FAF1: variants seen among roughly 807,000 people sequenced by gnomAD.
The protein encoded by FAF1 is FAS-associated factor 1.
In FAF1, 25 loss-of-function variants were observed where a neutral mutation model predicts 92.5. The observed-to-expected ratio is 0.27, with a 90% CI of 0.20 to 0.38. The LOEUF is 0.38. FAF1 is among the 10% of genes least tolerant of loss of function. The pLI is 1.00. For missense variants in FAF1, 636 were observed against 793.3 expected, an observed-to-expected ratio of 0.80 and a Z score of 2.38; for synonymous variants, 234 against 273.2, an observed-to-expected ratio of 0.86 and a Z score of 1.42.
intron 3 of FAF1, among the ~76,000 whole-genome samples, chr1:50,791,686 C>A (rs1300190333): frequency 6.6e-6 from 1 of 152,204 alleles, no homozygotes; most frequent in South Asian, 2.1e-4. Flanking sequence ...GTCTCCTCTG[C>A]GCTTCATGAT....
chr1:50,744,863 A>C (rs1659525147), intron 4 of FAF1, 88 bp from the exon 5 acceptor site: 1 of 714,644 alleles, frequency 1.4e-6, no homozygotes, highest in Non-Finnish European at 2.4e-6. Flanking sequence ...AATATGTGGC[A>C]TACAGTGTAC....
chr1:50,817,931 G>C (rs907212547), intron 2 of FAF1, among the ~76,000 whole-genome samples: 2 of 151,840 alleles, frequency 1.3e-5, no homozygotes, highest in Non-Finnish European at 2.9e-5. Context: ...ATAATAAAAG[G>C]CTCGAAAAAG....
At chr1:50,519,154 AC>A (rs769786081) in intron 15 of FAF1, among the ~76,000 whole-genome samples, 54 of 151,706 alleles carry the variant, frequency 3.6e-4, no homozygotes, top group Non-Finnish European at 6.2e-4. Context: ...GCATGGTGAA[AC>A]CCTGTCTCTA....
In FAF1 at chr1:50,909,108, G is replaced by A. The variant is rs1461836851; in HGVS notation, c.45+50659C>T. Among the ~76,000 whole-genome samples, 10 of 151,932 alleles carry A rather than the reference G, an allele frequency of 6.6e-5. No homozygotes were observed. In the South Asian group the frequency reaches 8.3e-4, roughly 13 times the overall value. ...CTCTCAGCATTTGCTTGTCTGTAAGGGATTTTATTTCTCCTACACTTATGA... is the reference window on the plus strand; with the variant it reads ...CTCTCAGCATTTGCTTGTCTGTAAGAGATTTTATTTCTCCTACACTTATGA... On this transcript the variant is annotated intron_variant, in intron 1 of 18. Transcript: ENST00000396153.
rs1302785318 is a variant in FAF1 at position 50,549,149 on chromosome 1, C to A, written c.1269-9421G>T. On this transcript the variant is annotated intron_variant, in intron 13 of 18. Transcript: ENST00000396153. ...TGCTTGCCACTGTATTATACTGCTG[C>A]ATAACTTCTAGAATATGCACCAACA... Among the ~76,000 whole-genome samples, 3 of 152,278 alleles carry A rather than the reference C, an allele frequency of 2.0e-5. 1 individual carries two copies. Among genetic ancestry groups the A allele is most frequent in the South Asian group, 4.1e-4 (2 of 4,828 alleles).
In FAF1 at chr1:50,682,953, A is replaced by C. The variant is rs183885420; in HGVS notation, c.657+22833T>G. Among the ~76,000 whole-genome samples, 54 of 152,050 alleles carry C rather than the reference A, an allele frequency of 3.6e-4. No individual in the cohort carries two copies. The Middle Eastern group carries it at 0.017, about 48-fold the overall frequency. Reference sequence around the variant, plus strand: ...TAAAATACAAAAAATTAGCTGCTTGAACCTGGCAGGTGCAGGCTGCAGTGA... The same window carrying C: ...TAAAATACAAAAAATTAGCTGCTTGCACCTGGCAGGTGCAGGCTGCAGTGA... On this transcript the variant is annotated intron_variant, in intron 7 of 18. Transcript: ENST00000396153.
rs137959438 is a variant in FAF1, at chr1:50,902,532, A to G, written c.46-44535T>C. Among the ~76,000 whole-genome samples, 13 of 152,258 alleles carry G rather than the reference A, an allele frequency of 8.5e-5. 1 individual carries two copies. Among genetic ancestry groups the G allele is most frequent in the Admixed American group, 8.5e-4 (13 of 15,296 alleles). On this transcript the variant is annotated intron_variant, in intron 1 of 18. Coordinates refer to ENST00000396153, the MANE Select transcript of FAF1 (RefSeq NM_007051.3). The stretch of plus-strand genomic sequence containing the variant: ...AAATTACATATGTGGCTCACACTCT[A>G]TTTTGGACATGTACTGCCCTAAACT...
rs985821951 is a variant in FAF1 at position 50,944,972 on chromosome 1, C to T, written c.45+14795G>A. Among the ~76,000 whole-genome samples, 7 of 149,902 alleles carry T rather than the reference C, an allele frequency of 4.7e-5. No homozygotes were observed. In the South Asian group the frequency reaches 1.5e-3, roughly 31 times the overall value. On this transcript the variant is annotated intron_variant, in intron 1 of 18. Coordinates refer to ENST00000396153, the MANE Select transcript of FAF1 (RefSeq NM_007051.3). ...TTCTGGGGACAGCTACAATCAGTGG[C>T]AAAACTGGCTTTCTAATAAGTAAGG...
intron 15 of FAF1, among the ~76,000 whole-genome samples, chr1:50,509,642 T>C (rs1336127396): frequency 1.3e-5 from 2 of 151,914 alleles, no homozygotes; most frequent in African/African-American, 4.8e-5. Context: ...GCAAAAGAAG[T>C]GCCTGGTAAT....
At chr1:50,739,890 G>C (rs998215646) in intron 5 of FAF1, among the ~76,000 whole-genome samples, 3 of 151,974 alleles carry the variant, frequency 2.0e-5, no homozygotes, top group African/African-American at 4.8e-5. Flanking sequence ...AAATTTCTTT[G>C]CCAGAAAATT....
At chr1:50,739,381 CATATATGTGTGTTT>C (rs1569863223) in intron 5 of FAF1, among the ~76,000 whole-genome samples, 33 of 147,946 alleles carry the variant, frequency 2.2e-4, no homozygotes, top group Non-Finnish European at 3.0e-4. Context: ...CATACATATA[CATATATGTGTGTTT>C]ATGTGTATGT....
At chr1:50,862,763 C>T (rs567113289) in intron 1 of FAF1, among the ~76,000 whole-genome samples, 1 of 151,774 alleles carries the variant, frequency 6.6e-6, no homozygotes, top group South Asian at 2.1e-4. Flanking sequence ...AAAAAACAAA[C>T]TTTAAAGCAA....
intron 6 of FAF1, among the ~76,000 whole-genome samples, chr1:50,722,774 C>A (rs2124457290): frequency 1.3e-5 from 2 of 152,122 alleles, no homozygotes; most frequent in East Asian, 3.9e-4. Context: ...TATATGCTAT[C>A]TTATTTTATC....
chr1:50,477,163 C>G (rs1206356701), intron 17 of FAF1, among the ~76,000 whole-genome samples: 1 of 152,054 alleles, frequency 6.6e-6, no homozygotes, highest in Non-Finnish European at 1.5e-5. Flanking sequence ...TTAAATCATT[C>G]AAAATTTCTG....
intron 15 of FAF1, among the ~76,000 whole-genome samples, chr1:50,531,996 A>AT (rs1648199623): frequency 6.6e-6 from 1 of 152,124 alleles, no homozygotes; most frequent in African/African-American, 2.4e-5. Context: ...CTTATTTCTA[A>AT]TTTTTTAAAA....
chr1:50,478,947 A>T (rs1036121958), intron 17 of FAF1, among the ~76,000 whole-genome samples: 2 of 152,230 alleles, frequency 1.3e-5, no homozygotes, highest in Non-Finnish European at 2.9e-5. Flanking sequence ...CAAAGTCAAC[A>T]TATCTGTAAA....
At chr1:50,740,382 C>G (rs1211589504) in intron 5 of FAF1, among the ~76,000 whole-genome samples, 2 of 151,972 alleles carry the variant, frequency 1.3e-5, no homozygotes, top group Non-Finnish European at 2.9e-5. Context: ...TGGGGAGGGG[C>G]AATCTTACAC....
chr1:50,484,976 G>T (rs1424521098), intron 17 of FAF1, among the ~76,000 whole-genome samples: 2 of 146,428 alleles, frequency 1.4e-5, no homozygotes, highest in African/African-American at 5.1e-5. Flanking sequence ...GAGGGAGGAG[G>T]GATAGCATTA....
At chr1:50,620,555 G>C (rs1653145921) in intron 8 of FAF1, among the ~76,000 whole-genome samples, 1 of 152,138 alleles carries the variant, frequency 6.6e-6, no homozygotes, top group Admixed American at 6.5e-5. Flanking sequence ...GTCTGTCATT[G>C]CAGTCATTTT....
Sources: gnomAD v4.1 joint callset for allele counts (sites outside exome capture counted in the v4.1 genomes callset) on GRCh38, gnomAD v4.1.1 for gene constraint, MANE v1.5 for transcripts, NCBI Gene and HGNC (gene_info 2026-07-23, HGNC 2026-07-21) for gene names.